Variants in ZCCHC17 observed in about 807,000 individuals in gnomAD.
The protein encoded by ZCCHC17 is zinc finger CCHC-type containing 17, also known as zinc finger CCHC domain-containing protein 17.
In ZCCHC17, 18 loss-of-function variants were observed where a neutral mutation model predicts 30.6. The observed-to-expected ratio is 0.59, with a 90% CI of 0.41 to 0.87. The LOEUF (loss-of-function observed/expected upper bound fraction) is 0.87, where lower values mean the gene tolerates loss of function less well. Among genes scored for constraint, ZCCHC17 ranks in the 40% least tolerant of loss-of-function variants. ZCCHC17 has a pLI of 0.00. For missense variants in ZCCHC17, 263 were observed against 284.2 expected (o/e 0.93, Z 0.54); for synonymous variants, 88 against 92.4 (o/e 0.95, Z 0.27).
chr1:31,339,415 C>T (rs1448384072), intron 5 of ZCCHC17, among the ~76,000 whole-genome samples: 1 of 152,108 alleles, frequency 6.6e-6, no homozygotes, highest in East Asian at 1.9e-4. Context: ...GAGTCATGCA[C>T]TAGAGTCTCT....
chr1:31,320,671 T>A (rs1313123150), intron 3 of ZCCHC17, among the ~76,000 whole-genome samples: 2 of 152,232 alleles, frequency 1.3e-5, no homozygotes, highest in Non-Finnish European at 1.5e-5. Flanking sequence ...CATTACAAAT[T>A]TATTGCAGTT....
At chr1:31,349,576 A>G (rs973012424) in intron 7 of ZCCHC17, among the ~76,000 whole-genome samples, 3 of 151,994 alleles carry the variant, frequency 2.0e-5, no homozygotes, top group African/African-American at 4.8e-5. Flanking sequence ...CAAGTGATCT[A>G]CCCACCTCGG....
At chr1:31,348,687 C>A in intron 6 of ZCCHC17, 142 bp from the exon 7 acceptor site, 1 of 998,496 alleles carries the variant, frequency 1.0e-6, no homozygotes, top group Non-Finnish European at 1.5e-6. Context: ...AAAATCTACC[C>A]TGAATCAAAC....
intron 3 of ZCCHC17, among the ~76,000 whole-genome samples, chr1:31,322,127 G>A (rs904593906): frequency 1.3e-5 from 2 of 152,106 alleles, no homozygotes; most frequent in Admixed American, 6.5e-5. Flanking sequence ...AGAGCCAGTC[G>A]ATTTTATCTG....
At chr1:31,311,743 C>T (rs745947532) in intron 2 of ZCCHC17, among the ~76,000 whole-genome samples, 1 of 152,226 alleles carries the variant, frequency 6.6e-6, no homozygotes, top group Non-Finnish European at 1.5e-5. Context: ...GGCCCCACCT[C>T]TTGATACCAT....
intron 2 of ZCCHC17, among the ~76,000 whole-genome samples, chr1:31,315,084 T>C (rs1218360634): frequency 6.6e-6 from 1 of 152,246 alleles, no homozygotes; most frequent in Admixed American, 6.5e-5. Flanking sequence ...TCTTGTATTA[T>C]TATTACTTGT....
At chr1:31,297,249 G>A (rs1210605760) in intron 1 of ZCCHC17, 174 bp downstream of exon 1, 1 of 398,904 alleles carries the variant, frequency 2.5e-6, no homozygotes, top group African/African-American at 2.1e-5. Flanking sequence ...CGGGGCAGGA[G>A]CGGAGCCTTG....
intron 3 of ZCCHC17, among the ~76,000 whole-genome samples, 199 bp downstream of exon 3, chr1:31,319,365 A>G (rs1224247020): frequency 6.6e-6 from 1 of 152,128 alleles, no homozygotes; most frequent in African/African-American, 2.4e-5. Context: ...CAGGAGGAAG[A>G]CTGGGGTATA....
At chr1:31,353,973 A>G (rs1639555957) in intron 7 of ZCCHC17, among the ~76,000 whole-genome samples, 1 of 152,166 alleles carries the variant, frequency 6.6e-6, no homozygotes, top group African/African-American at 2.4e-5. Flanking sequence ...ATGAATTTTA[A>G]GATAGATTTT....
intron 1 of ZCCHC17, among the ~76,000 whole-genome samples, chr1:31,308,816 C>T (rs1426252649): frequency 6.6e-6 from 1 of 152,206 alleles, no homozygotes; most frequent in Non-Finnish European, 1.5e-5. Flanking sequence ...CTCAGACCTA[C>T]TGAACTGCAA....
rs6700917 is a variant in ZCCHC17, at chr1:31,305,366, A to G, written c.-55-4678A>G. Among the ~76,000 whole-genome samples the G allele has an allele frequency of 5.7e-3, 858 of 151,600 alleles. 8 individuals carry two copies. The highest frequency in any genetic ancestry group is 0.02 in the African/African-American group (817 of 41,342). On this transcript the variant is annotated intron_variant, in intron 1 of 7. Coordinates refer to ENST00000344147, the MANE Select transcript of ZCCHC17 (RefSeq NM_016505.4). ...ATGATCACGGCTCAGTGCACTCTCC[A>G]TCTCTTGGGCTCAAGTGATCCTCCT...
intron 1 of ZCCHC17, among the ~76,000 whole-genome samples, chr1:31,301,210 A>ATG (rs1646302774): frequency 6.6e-6 from 1 of 152,224 alleles, no homozygotes; most frequent in Non-Finnish European, 1.5e-5. Context: ...GACAATTTCC[A>ATG]TGTGTGTTAC....
intron 2 of ZCCHC17, among the ~76,000 whole-genome samples, chr1:31,315,619 G>A (rs1374241245): frequency 2.0e-5 from 3 of 152,158 alleles, no homozygotes; most frequent in Admixed American, 6.5e-5. Context: ...TACTATCTTT[G>A]TGACTTTTGA....
intron 7 of ZCCHC17, among the ~76,000 whole-genome samples, chr1:31,357,630 T>C (rs1410013978): frequency 1.3e-5 from 2 of 152,106 alleles, no homozygotes; most frequent in Admixed American, 6.6e-5. Flanking sequence ...ATAGTAAAAA[T>C]AATGTATCAA....
intron 1 of ZCCHC17, among the ~76,000 whole-genome samples, chr1:31,300,274 G>T (rs1235204583): frequency 6.6e-6 from 1 of 152,052 alleles, no homozygotes; most frequent in Non-Finnish European, 1.5e-5. Context: ...TGTCCAGGCT[G>T]GTCTCAAACT....
At chr1:31,330,538 C>T (rs1428986172) in intron 3 of ZCCHC17, among the ~76,000 whole-genome samples, 1 of 152,146 alleles carries the variant, frequency 6.6e-6, no homozygotes. Context: ...TATGCTAGAA[C>T]AGAATTAGAT....
At chr1:31,326,633 C>T (rs1179577318) in intron 3 of ZCCHC17, among the ~76,000 whole-genome samples, 9 of 152,178 alleles carry the variant, frequency 5.9e-5, no homozygotes, top group Non-Finnish European at 5.9e-5. Context: ...GACCTTCCAG[C>T]AGTCAATCTT....
At chr1:31,300,395 T>C (rs1240537286) in intron 1 of ZCCHC17, among the ~76,000 whole-genome samples, 1 of 152,022 alleles carries the variant, frequency 6.6e-6, no homozygotes, top group Non-Finnish European at 1.5e-5. Flanking sequence ...CACATTGCAG[T>C]GTAATTGGTG....
At chr1:31,307,503 C>T (rs1569748368) in intron 1 of ZCCHC17, among the ~76,000 whole-genome samples, 4 of 150,856 alleles carry the variant, frequency 2.7e-5, no homozygotes, top group Admixed American at 2.6e-4. Context: ...TCCACCTCAC[C>T]GGTTCAAGTG....
Sources: gnomAD v4.1 joint callset for allele counts (sites outside exome capture counted in the v4.1 genomes callset) on GRCh38, gnomAD v4.1.1 for gene constraint, MANE v1.5 for transcripts, NCBI Gene and HGNC (gene_info 2026-07-23, HGNC 2026-07-21) for gene names.